PRKAB2: variants seen among roughly 807,000 people sequenced by gnomAD.
PRKAB2 encodes 5'-AMP-activated protein kinase subunit beta-2.
In PRKAB2, 18 loss-of-function variants were observed where a neutral mutation model predicts 29.8. The ratio of observed to expected loss-of-function variants is 0.60; its 90% CI spans 0.42 to 0.89. PRKAB2 has a LOEUF of 0.89. Ranked by LOEUF, PRKAB2 falls within the 40% of genes least tolerant of loss-of-function variation. The probability of loss-of-function intolerance (pLI) is 0.00; values close to 1 mark genes in which losing one functional copy is unlikely to be tolerated. For missense variants in PRKAB2, 270 were observed against 344.3 expected (o/e 0.78, Z 1.71); for synonymous variants, 136 against 125.9 (o/e 1.08, Z -0.54).
Position 147,167,903 on chromosome 1 carries a change from G to A in PRKAB2, c.187C>T (p.Gln63Ter), listed in dbSNP as rs1194575401. The change falls in exon 3 of 8, where the codon CAG (glutamine) becomes TAG (stop). Residue 63 changes from glutamine (Q) to a stop codon, truncating the protein, a stop_gained. Transcript: ENST00000254101. LOFTEE classifies it high-confidence loss of function. Reference protein sequence around the residue: ...LPGDKEFVSWQQDLEDSVKPT... With the variant: ...LPGDKEFVSW Reference sequence around the variant, plus strand: ...TTTACGGAGTCCTCCAAATCCTGCTGCCATGATACAAACTCTTTGTCCCCA... The same window carrying A: ...TTTACGGAGTCCTCCAAATCCTGCTACCATGATACAAACTCTTTGTCCCCA... 1.9e-6 allele frequency: 3 copies of A among 1,613,812 alleles called. No homozygotes were observed. The highest frequency in any genetic ancestry group is 2.5e-6 in the Non-Finnish European group (3 of 1,179,844).
At chr1:147,170,572 A>G (rs1654471117) in intron 2 of PRKAB2, among the ~76,000 whole-genome samples, 1 of 151,946 alleles carries the variant, frequency 6.6e-6, no homozygotes, top group Admixed American at 6.6e-5. Flanking sequence ...CTCTGTGATT[A>G]TGGTTGGTTT....
intron 7 of PRKAB2, 37 bp from the exon 8 acceptor site, chr1:147,159,679 C>G: frequency 3.8e-6 from 6 of 1,574,676 alleles, no homozygotes; most frequent in Non-Finnish European, 5.2e-6. Flanking sequence ...TAATTCATTA[C>G]TTCAGACAGT....
intron 2 of PRKAB2, among the ~76,000 whole-genome samples, chr1:147,170,095 T>C (rs1654441704): frequency 6.6e-6 from 1 of 152,188 alleles, no homozygotes; most frequent in African/African-American, 2.4e-5. Context: ...TCAGCAAAAC[T>C]ACCAGGAAAA....
chr1:147,156,474 G>C lies in PRKAB2; in HGVS notation c.*3091C>G, dbSNP rs938436305. On this transcript the variant is annotated 3_prime_UTR_variant, in exon 8 of 8. Coordinates refer to ENST00000254101, the MANE Select transcript of PRKAB2 (RefSeq NM_005399.5). ...CTACAAGATACTAGAAAGAATTAGAGCAAAGTGAGTGGGCCTGGGTTTGTA... is the reference window on the plus strand; with the variant it reads ...CTACAAGATACTAGAAAGAATTAGACCAAAGTGAGTGGGCCTGGGTTTGTA... The C allele has an allele frequency of 1.8e-4, 28 of 152,224 alleles. No homozygotes were observed. The highest frequency in any genetic ancestry group is 6.5e-4 in the African/African-American group (27 of 41,432). The allele number at this position is 152,224 out of a possible 1,614,324, so 9.4% of individuals were successfully genotyped here. A position where few individuals can be genotyped will look rare whatever the true frequency, so the allele number is the denominator to read the frequency against.
In PRKAB2 at chr1:147,172,013, G is replaced by A. The variant is rs1353851544; in HGVS notation, c.132C>T (p.Ser44=). The change falls in exon 2 of 8, where the codon AGC becomes AGT. Residue 44 remains serine (S), a synonymous_variant. Transcript: ENST00000254101. ...KIMVGSTDDP[S]VFSLPDSKLP... is the part of the protein sequence containing the mutation. ...CCTTGGAGTCAGGGAGGCTGAACAC[G>A]CTGGGGTCGTCCGTACTCCCCACCA... The A allele has an allele frequency of 1.2e-6, 2 of 1,600,600 alleles. No individual in the cohort carries two copies. The highest frequency in any genetic ancestry group is 1.7e-6 in the Non-Finnish European group (2 of 1,174,514).
In PRKAB2 at chr1:147,166,984, A is replaced by G. The variant is rs1654282450; in HGVS notation, c.324-45T>C. On this transcript the variant is annotated intron_variant, in intron 3 of 7. Coordinates refer to ENST00000254101, the MANE Select transcript of PRKAB2 (RefSeq NM_005399.5). ...GGCAAACAGGCCAAGTTCCTTTTAG[A>G]AGACTGAATCTAAAAAACAAGTGGC... is the stretch of plus-strand genomic sequence containing the variant. The G allele has an allele frequency of 2.0e-6, 3 of 1,486,294 alleles. No individual in the cohort carries two copies. The East Asian group carries it at 6.8e-5, about 34-fold the overall frequency. 92.1% of individuals were successfully genotyped at this position (1,486,294 alleles called of 1,614,324 possible). A position where few individuals can be genotyped will look rare whatever the true frequency, so the allele number is the denominator to read the frequency against.
rs1189162290 is a variant in PRKAB2 at position 147,158,490 on chromosome 1, A to C, written c.*1075T>G. 2 of 152,100 alleles carry C rather than the reference A, an allele frequency of 1.3e-5. No homozygotes were observed. The highest frequency in any genetic ancestry group is 2.9e-5 in the Non-Finnish European group (2 of 68,024). 9.4% of individuals were successfully genotyped at this position (152,100 alleles called of 1,614,324 possible). On this transcript the variant is annotated 3_prime_UTR_variant, in exon 8 of 8. Transcript: ENST00000254101. ...GTGGAAGGCTAGACTAGAGAAGAAAATCTCTTTGAAGAAGCATTTATCAAA... is the reference window on the plus strand; with the variant it reads ...GTGGAAGGCTAGACTAGAGAAGAAACTCTCTTTGAAGAAGCATTTATCAAA...
Position 147,166,483 on chromosome 1 carries a change from A to G in PRKAB2, c.538+15T>C, listed in dbSNP as rs781983640. On this transcript the variant is annotated intron_variant, in intron 5 of 7. Coordinates refer to ENST00000254101, the MANE Select transcript of PRKAB2 (RefSeq NM_005399.5). ...AGAAAGACACAGCAAGAGAGAGTAA[A>G]TAATACAAAATTACCTCTACAAGAT... The G allele has an allele frequency of 1.6e-5, 25 of 1,611,298 alleles. No homozygotes were observed. The highest frequency in any genetic ancestry group is 2.1e-5 in the Non-Finnish European group (25 of 1,178,744).
At chr1:147,168,333 G>A (rs1553913931) in intron 2 of PRKAB2, among the ~76,000 whole-genome samples, 3 of 152,120 alleles carry the variant, frequency 2.0e-5, no homozygotes, top group Admixed American at 2.0e-4. Flanking sequence ...TTCTGTAAAA[G>A]ATAATTAAGT....
chr1:147,165,616 G>A (rs1240667025), intron 5 of PRKAB2, among the ~76,000 whole-genome samples: 1 of 152,180 alleles, frequency 6.6e-6, no homozygotes, highest in Non-Finnish European at 1.5e-5. Context: ...AACTACAAGT[G>A]TGGTTAGCAA....
At chr1:147,161,530 A>G in intron 7 of PRKAB2, 182 bp downstream of exon 7, 1 of 534,836 alleles carries the variant, frequency 1.9e-6, no homozygotes, top group Non-Finnish European at 3.3e-6. Context: ...GCCAGAACAC[A>G]GAGACTGAGA....
intron 2 of PRKAB2, among the ~76,000 whole-genome samples, chr1:147,168,905 G>A (rs994037544): frequency 6.6e-6 from 1 of 152,208 alleles, no homozygotes; most frequent in Non-Finnish European, 1.5e-5. Context: ...CTGGGCTCAA[G>A]CCATCTTCCC....
At chr1:147,160,115 T>C (rs1053955654) in intron 7 of PRKAB2, among the ~76,000 whole-genome samples, 1 of 152,108 alleles carries the variant, frequency 6.6e-6, no homozygotes, top group African/African-American at 2.4e-5. Flanking sequence ...AAAAACTATT[T>C]CCAAGTCCCA....
In PRKAB2 at chr1:147,162,522, C is replaced by T. The variant is rs149396746; in HGVS notation, c.590G>A (p.Arg197Gln). The change falls in exon 6 of 8, where the codon CGA becomes CAA. Residue 197 changes from arginine (R) to glutamine (Q), a missense_variant. Transcript: ENST00000254101. ...TGGGGATTTGAATCTTTCCTCAGAT[C>T]GAAACGCATACATTTCTTGACCATA... is the stretch of plus-strand genomic sequence containing the variant. ...GPYGQEMYAFRSEERFKSPPI... is the reference protein window; with the variant it reads ...GPYGQEMYAFQSEERFKSPPI... 20 of 1,611,742 alleles carry T rather than the reference C, an allele frequency of 1.2e-5. No homozygotes were observed. The South Asian group carries it at 1.4e-4, about 12-fold the overall frequency.
In PRKAB2 at chr1:147,163,982, T is replaced by C. The variant is rs372268630; in HGVS notation, c.539-1409A>G. On this transcript the variant is annotated intron_variant, in intron 5 of 7. Transcript: ENST00000254101. ...GAGGGTCTTGCTCTGTGTCACCGAGTCTGGAGTGCAGTGGCTTGATCACGG... is the reference window on the plus strand; with the variant it reads ...GAGGGTCTTGCTCTGTGTCACCGAGCCTGGAGTGCAGTGGCTTGATCACGG... Among the ~76,000 whole-genome samples, 14 of 152,184 alleles carry C rather than the reference T, an allele frequency of 9.2e-5. No homozygotes were observed. In the East Asian group the frequency reaches 2.1e-3, roughly 23 times the overall value.
At chr1:147,159,675 A>G in intron 7 of PRKAB2, 33 bp from the exon 8 acceptor site, 2 of 1,585,998 alleles carry the variant, frequency 1.3e-6, no homozygotes, top group Non-Finnish European at 1.7e-6. Context: ...CAGCTAATTC[A>G]TTACTTCAGA....
In PRKAB2 at chr1:147,158,302, G is replaced by T. The variant is rs1445545234; in HGVS notation, c.*1263C>A. 2.0e-5 allele frequency: 3 copies of T among 152,116 alleles called. No individual in the cohort carries two copies. The highest frequency in any genetic ancestry group is 2.0e-4 in the Admixed American group (3 of 15,270). 9.4% of individuals were successfully genotyped at this position (152,116 alleles called of 1,614,324 possible). On this transcript the variant is annotated 3_prime_UTR_variant, in exon 8 of 8. Transcript: ENST00000254101. Reference sequence around the variant, plus strand: ...GGTGCAAAGAATGATACTTTTCATGGTTGGGAATACTAGGAATACTCTCTT... The same window carrying T: ...GGTGCAAAGAATGATACTTTTCATGTTTGGGAATACTAGGAATACTCTCTT...
At position 147,172,000 on chromosome 1, in the gene PRKAB2, G is replaced by A; in HGVS notation, c.145C>T (p.Pro49Ser). The A allele has an allele frequency of 6.2e-7, 1 of 1,601,658 alleles. No homozygotes were observed. The highest frequency in any genetic ancestry group is 8.5e-7 in the Non-Finnish European group (1 of 1,174,886). Residue 49 changes from proline (P) to serine (S), a missense_variant, in exon 2 of 8, where the codon CCT becomes TCT. Transcript: ENST00000254101. ...CATGGGACGCTTACCTTGGAGTCAG[G>A]GAGGCTGAACACGCTGGGGTCGTCC... ...STDDPSVFSL[P>S]DSKLPGDKEF... is the part of the protein sequence containing the mutation.
rs1456601903 is a variant in PRKAB2, at chr1:147,158,193, CA to C, written c.*1371del. On this transcript the variant is annotated 3_prime_UTR_variant, in exon 8 of 8. Transcript: ENST00000254101. ...AGTGGATTGAATACTTTTCAGTCCACAAATGGAATTCAGTGACCCCACTTAA... is the reference window on the plus strand; with the variant it reads ...AGTGGATTGAATACTTTTCAGTCCACAATGGAATTCAGTGACCCCACTTAA... The C allele has an allele frequency of 6.6e-6, 1 of 152,076 alleles. No homozygotes were observed. Among genetic ancestry groups the C allele is most frequent in the African/African-American group, 2.4e-5 (1 of 41,408 alleles). The allele number at this position is 152,076 out of a possible 1,614,324, so 9.4% of individuals were successfully genotyped here. A position where few individuals can be genotyped will look rare whatever the true frequency, so the allele number is the denominator to read the frequency against.
Sources: gnomAD v4.1 joint callset for allele counts (sites outside exome capture counted in the v4.1 genomes callset) on GRCh38, gnomAD v4.1.1 for gene constraint, MANE v1.5 for transcripts, NCBI Gene and HGNC (gene_info 2026-07-23, HGNC 2026-07-21) for gene names.